The following SLC29A4 variants were observed in gnomAD, a reference collection of about 807,000 sequenced individuals.
The protein encoded by SLC29A4 is equilibrative nucleoside transporter 4.
In SLC29A4, 36 loss-of-function variants were observed where a neutral mutation model predicts 43.9. That is an observed-to-expected ratio of 0.82 (90% CI 0.63 to 1.08). The LOEUF is 1.08. Among genes scored for constraint, SLC29A4 ranks in the 50% least tolerant of loss-of-function variants. The probability of loss-of-function intolerance (pLI) is 0.00; values close to 1 mark genes in which losing one functional copy is unlikely to be tolerated. For synonymous variants in SLC29A4, 491 were observed against 338.0 expected (o/e 1.45, Z -4.97); for missense variants, 869 against 755.3 (o/e 1.15, Z -1.77).
intron 6 of SLC29A4, among the ~76,000 whole-genome samples, 171 bp from the exon 7 acceptor site, chr7:5,296,764 TG>T (rs1785700700): frequency 1.9e-5 from 2 of 105,424 alleles, no homozygotes; most frequent in African/African-American, 8.6e-5. Context: ...GCGGGGCCTG[TG>T]GGTGGGGGCA....
In SLC29A4 at chr7:5,303,134, C is replaced by G. The variant is rs1042106292; in HGVS notation, c.*195C>G. 2 of 661,724 alleles carry G rather than the reference C, an allele frequency of 3.0e-6. No individual in the cohort carries two copies. Among genetic ancestry groups the G allele is most frequent in the Non-Finnish European group, 5.1e-6 (2 of 394,320 alleles). The allele number at this position is 661,724 out of a possible 1,614,324, so 41.0% of individuals were successfully genotyped here. On this transcript the variant is annotated 3_prime_UTR_variant, in exon 11 of 11. Coordinates refer to ENST00000396872, the MANE Select transcript of SLC29A4 (RefSeq NM_153247.4). Reference sequence around the variant, plus strand: ...GCAAAGTCCTCCGAGGACCGGAACACGTTTCTGCGACCCGGGGCTCTGGCC... The same window carrying G: ...GCAAAGTCCTCCGAGGACCGGAACAGGTTTCTGCGACCCGGGGCTCTGGCC...
chr7:5,293,856 C>T (rs1785471211), intron 5 of SLC29A4, among the ~76,000 whole-genome samples: 1 of 152,142 alleles, frequency 6.6e-6, no homozygotes, highest in South Asian at 2.1e-4. Context: ...CTTGTAATCC[C>T]AGCATTTTGG....
chr7:5,300,376 G>A (rs945193992), intron 9 of SLC29A4, 46 bp from the exon 10 acceptor site: 15 of 1,607,924 alleles, frequency 9.3e-6, no homozygotes, highest in Non-Finnish European at 1.2e-5. Context: ...TGAGGCGAGT[G>A]GGGCTGTGGC....
At chr7:5,290,983 C>G in intron 3 of SLC29A4, 120 bp downstream of exon 3, 2 of 1,528,632 alleles carry the variant, frequency 1.3e-6, no homozygotes. Context: ...GATCTCGGCT[C>G]CACTGTGAGC....
At chr7:5,299,870 G>A (rs1343234457) in intron 9 of SLC29A4, among the ~76,000 whole-genome samples, 2 of 152,186 alleles carry the variant, frequency 1.3e-5, no homozygotes, top group Non-Finnish European at 2.9e-5. Flanking sequence ...TTGCCAACAT[G>A]GTGAAACCCC....
chr7:5,286,230 GA>G (rs1268124631), intron 1 of SLC29A4, among the ~76,000 whole-genome samples: 2 of 151,954 alleles, frequency 1.3e-5, no homozygotes, highest in Non-Finnish European at 2.9e-5. Flanking sequence ...CACGTTATTA[GA>G]AAAAAATCAT....
rs924017888 is a variant in SLC29A4, at chr7:5,298,969, C to T, written c.883-19C>T. On this transcript the variant is annotated intron_variant, in intron 7 of 10. Coordinates refer to ENST00000396872, the MANE Select transcript of SLC29A4 (RefSeq NM_153247.4). ...CCTCCCTTCCACTCCAACCCCATCC[C>T]ACTCCATCCTCCCTCCAGGAGCACC... 3.1e-6 allele frequency: 5 copies of T among 1,603,822 alleles called. No individual in the cohort carries two copies. Among genetic ancestry groups the T allele is most frequent in the African/African-American group, 1.3e-5 (1 of 74,782 alleles).
At chr7:5,287,639 G>A (rs532799953) in intron 1 of SLC29A4, among the ~76,000 whole-genome samples, 170 bp from the exon 2 acceptor site, 36 of 152,290 alleles carry the variant, frequency 2.4e-4, no homozygotes, top group Non-Finnish European at 4.4e-4. Flanking sequence ...ATCCAGTCCT[G>A]TTCAGGCACT....
intron 2 of SLC29A4, among the ~76,000 whole-genome samples, chr7:5,289,508 C>T (rs1464438030): frequency 6.6e-6 from 1 of 152,134 alleles, no homozygotes; most frequent in Non-Finnish European, 1.5e-5. Context: ...CTTGGAGTCT[C>T]TGAGCTCCAG....
chr7:5,299,572 C>A, intron 9 of SLC29A4, 145 bp downstream of exon 9: 1 of 946,170 alleles, frequency 1.1e-6, no homozygotes, highest in Non-Finnish European at 1.5e-6. Context: ...GTGGCGCCAT[C>A]CTGGACAGTG....
chr7:5,291,350 A>T, intron 4 of SLC29A4, 113 bp downstream of exon 4: 1 of 1,058,730 alleles, frequency 9.4e-7, no homozygotes, highest in Non-Finnish European at 1.4e-6. Context: ...TAAAATGGGC[A>T]CACTTCCTAG....
chr7:5,287,569 G>A (rs1297038561), intron 1 of SLC29A4, among the ~76,000 whole-genome samples: 1 of 152,242 alleles, frequency 6.6e-6, no homozygotes, highest in East Asian at 1.9e-4. Flanking sequence ...GCTCAGAGAG[G>A]TTTAGGCCCT....
In SLC29A4 at chr7:5,299,131, G is replaced by T. The variant is rs372056885; in HGVS notation, c.1021+5G>T. 155 of 1,607,426 alleles carry T rather than the reference G, an allele frequency of 9.6e-5. No individual in the cohort carries two copies. The African/African-American group carries it at 1.8e-3, about 19-fold the overall frequency. On this transcript the variant is annotated splice_donor_5th_base_variant and intron_variant, in intron 8 of 10. Coordinates refer to ENST00000396872, the MANE Select transcript of SLC29A4 (RefSeq NM_153247.4). ...GCAGCTGGCCCACCTTCAGAGGTGA[G>T]TGCGGGGAGTCCTCTGCTGCCCTGG... is the stretch of plus-strand genomic sequence containing the variant.
rs1314165899 is a variant in SLC29A4 at position 5,284,939 on chromosome 7, T to C, written c.-9+1857T>C. ...GGCACTGCACGTCCAGGGAAGCATCTTGGGGGCTCTTGCTGAACACAGACC... is the reference window on the plus strand; with the variant it reads ...GGCACTGCACGTCCAGGGAAGCATCCTGGGGGCTCTTGCTGAACACAGACC... On this transcript the variant is annotated intron_variant, in intron 1 of 10. Transcript: ENST00000396872. 2.0e-5 allele frequency among the ~76,000 whole-genome samples: 3 copies of C among 152,148 alleles called. No individual in the cohort carries two copies. In the South Asian group the frequency reaches 6.2e-4, roughly 32 times the overall value.
intron 2 of SLC29A4, among the ~76,000 whole-genome samples, chr7:5,290,220 A>G (rs1785217271): frequency 6.6e-6 from 1 of 151,996 alleles, no homozygotes; most frequent in African/African-American, 2.4e-5. Flanking sequence ...TGCCTGGCTA[A>G]TTTTTTGGGT....
intron 7 of SLC29A4, among the ~76,000 whole-genome samples, chr7:5,297,870 C>T (rs541198518): frequency 7.9e-5 from 12 of 152,264 alleles, no homozygotes; most frequent in African/African-American, 2.9e-4. Context: ...AGGCACTGCC[C>T]CTACGGGGTC....
chr7:5,288,123 G>C (rs945370440), intron 2 of SLC29A4, 138 bp downstream of exon 2: 5 of 1,149,450 alleles, frequency 4.3e-6, no homozygotes, highest in Non-Finnish European at 3.6e-6. Context: ...GTGTGGATTA[G>C]ATCTGCTGCA....
At chr7:5,286,020 A>AG (rs1784921759) in intron 1 of SLC29A4, among the ~76,000 whole-genome samples, 1 of 151,646 alleles carries the variant, frequency 6.6e-6, no homozygotes, top group East Asian at 2.0e-4. Flanking sequence ...AGAAAAAAAA[A>AG]CAAAAAACAA....
chr7:5,301,676 A>G (rs764542135), intron 10 of SLC29A4, among the ~76,000 whole-genome samples: 2 of 152,228 alleles, frequency 1.3e-5, no homozygotes, highest in East Asian at 1.9e-4. Flanking sequence ...GAGGAGGTCA[A>G]CGTGGCACTG....
Sources: gnomAD v4.1 joint callset for allele counts (sites outside exome capture counted in the v4.1 genomes callset) on GRCh38, gnomAD v4.1.1 for gene constraint, MANE v1.5 for transcripts, NCBI Gene and HGNC (gene_info 2026-07-23, HGNC 2026-07-21) for gene names.